The following ELFN1 variants were observed in gnomAD, a reference collection of about 807,000 sequenced individuals.
ELFN1 encodes extracellular leucine rich repeat and fibronectin type III domain containing 1, also known as protein ELFN1.
A neutral mutation model predicts 7.6 loss-of-function variants in ELFN1; 6 were observed. The observed-to-expected ratio is 0.79, with a 90% confidence interval of 0.43 to 1.56. The LOEUF is 1.56. Among genes scored for constraint, ELFN1 ranks in the 40% most tolerant of loss-of-function variants. The pLI, the probability that ELFN1 is intolerant of heterozygous loss-of-function variation, is 0.01. For missense variants in ELFN1, 1,169 were observed against 1,232.2 expected (o/e 0.95, Z 0.77); for synonymous variants, 657 against 588.1 (o/e 1.12, Z -1.70).
Position 1,746,821 on chromosome 7 carries a change from G to C in ELFN1, c.2225G>C (p.Arg742Pro). 1 of 1,534,188 alleles carries C rather than the reference G, an allele frequency of 6.5e-7. No homozygotes were observed. The highest frequency in any genetic ancestry group is 1.2e-5 in the South Asian group (1 of 82,208). The change falls in exon 4 of 4, where the codon CGG becomes CCG. Residue 742 changes from arginine (R) to proline (P), a missense_variant. Transcript: ENST00000424383. Reference sequence around the variant, plus strand: ...GCGTCCATCCTGGAGCCACTCACCCGGCCGCGGCCCCGCGACCTCGCCTAC... The same window carrying C: ...GCGTCCATCCTGGAGCCACTCACCCCGCCGCGGCCCCGCGACCTCGCCTAC... ...RKASILEPLTRPRPRDLAYSQ... is the reference protein window; with the variant it reads ...RKASILEPLTPPRPRDLAYSQ...
intron 3 of ELFN1, among the ~76,000 whole-genome samples, chr7:1,711,567 CGAGAGAGTGA>C (rs1368022065): frequency 3.1e-4 from 11 of 35,066 alleles, no homozygotes; most frequent in African/African-American, 4.5e-4. Context: ...GAAGAGAGAG[CGAGAGAGTGA>C]GAGAGAGAGA....
At chr7:1,715,797 C>T (rs1035741364) in intron 3 of ELFN1, among the ~76,000 whole-genome samples, 1 of 152,230 alleles carries the variant, frequency 6.6e-6, no homozygotes, top group Non-Finnish European at 1.5e-5. Context: ...TGGAGATTCC[C>T]TCCTCCCCCT....
chr7:1,693,175 C>T (rs115930251), intron 2 of ELFN1: 104 of 366,864 alleles, frequency 2.8e-4, no homozygotes, highest in African/African-American at 2.0e-3. Context: ...TGCTGGGTTC[C>T]GCTGGGGTCC....
At chr7:1,726,887 C>T (rs994555971) in intron 3 of ELFN1, among the ~76,000 whole-genome samples, 66 of 152,308 alleles carry the variant, frequency 4.3e-4, no homozygotes, top group Middle Eastern at 3.4e-3. Flanking sequence ...AGACAGGAGC[C>T]GGGCTGGGTT....
At position 1,705,382 on chromosome 7, in the gene ELFN1, T is replaced by C. The variant is rs1242017771; in HGVS notation, c.-455-3709T>C. ...TGTCAAGTTTGGGCGCCTTCATTTTTCCAACCCTCTCACCCGGACATTTGC... is the reference window on the plus strand; with the variant it reads ...TGTCAAGTTTGGGCGCCTTCATTTTCCCAACCCTCTCACCCGGACATTTGC... On this transcript the variant is annotated intron_variant, in intron 2 of 3. Coordinates refer to ENST00000424383, the MANE Select transcript of ELFN1 (RefSeq NM_001128636.4). The surrounding 1 kb of genome is among the most constrained non-coding windows in gnomAD (Gnocchi z 4.3). Among the ~76,000 whole-genome samples the C allele has an allele frequency of 6.6e-6, 1 of 152,254 alleles. No individual in the cohort carries two copies. The highest frequency in any genetic ancestry group is 2.4e-5 in the African/African-American group (1 of 41,468).
In ELFN1 at chr7:1,739,145, C is replaced by A. The variant is rs1228119502; in HGVS notation, c.-293-5159C>A. 3 of 152,248 alleles carry A rather than the reference C, an allele frequency of 2.0e-5. No individual in the cohort carries two copies. Among genetic ancestry groups the A allele is most frequent in the Non-Finnish European group, 4.4e-5 (3 of 68,068 alleles). 9.4% of individuals were successfully genotyped at this position (152,248 alleles called of 1,614,324 possible). ...TCCTCCACGCGTGGAGGACTGGACG[C>A]CCTCAGGGCTGCGCGGGGCCGCAGG... On this transcript the variant is annotated intron_variant, in intron 3 of 3. Transcript: ENST00000424383. This position sits in a 1 kb window ranked among gnomAD's most constrained non-coding sequence, Gnocchi z 4.6.
upstream of ELFN1, among the ~76,000 whole-genome samples, chr7:1,667,323 G>A (rs1778686619): frequency 6.6e-6 from 1 of 152,082 alleles, no homozygotes. This position sits in a 1 kb window ranked among gnomAD's most constrained non-coding sequence, Gnocchi z 8.2. Context: ...AACCCACGGC[G>A]AGCGCAACAC....
At chr7:1,730,027 G>T (rs1296631859) in intron 3 of ELFN1, among the ~76,000 whole-genome samples, 3 of 152,224 alleles carry the variant, frequency 2.0e-5, no homozygotes, top group Non-Finnish European at 2.9e-5. Context: ...CCCACCCGGG[G>T]ACCAGCCCCT....
At chr7:1,702,337 T>A (rs2128584731) in intron 2 of ELFN1, among the ~76,000 whole-genome samples, 1 of 151,656 alleles carries the variant, frequency 6.6e-6, no homozygotes, top group South Asian at 2.1e-4. Context: ...GGCAGGAGAA[T>A]GGTGTGAACT....
intron 3 of ELFN1, among the ~76,000 whole-genome samples, chr7:1,725,830 GAC>G (rs1483204759): frequency 6.6e-6 from 1 of 151,934 alleles, no homozygotes; most frequent in Non-Finnish European, 1.5e-5. Flanking sequence ...GTCACACTCA[GAC>G]ACACATAATA....
At chr7:1,709,683 A>G (rs1380882575) in intron 3 of ELFN1, among the ~76,000 whole-genome samples, 1 of 152,270 alleles carries the variant, frequency 6.6e-6, no homozygotes, top group Admixed American at 6.5e-5. Flanking sequence ...TAGGTCACGT[A>G]GGTTAATATT....
At chr7:1,728,919 T>C (rs1780265282) in intron 3 of ELFN1, among the ~76,000 whole-genome samples, 2 of 152,194 alleles carry the variant, frequency 1.3e-5, no homozygotes, top group African/African-American at 4.8e-5. Context: ...TCTCATGATG[T>C]CCATCATCTC....
intron 2 of ELFN1, among the ~76,000 whole-genome samples, chr7:1,701,137 G>A (rs530996398): frequency 1.3e-5 from 2 of 150,374 alleles, no homozygotes; most frequent in Admixed American, 1.3e-4. Flanking sequence ...GTGTGTGCAT[G>A]TGTGTGTGTG....
chr7:1,719,900 A>T (rs937716652), intron 3 of ELFN1, among the ~76,000 whole-genome samples: 1 of 102,124 alleles, frequency 9.8e-6, no homozygotes, highest in Non-Finnish European at 2.0e-5. Context: ...CCCCACCATC[A>T]CCTCTGCAAA....
chr7:1,722,611 A>C (rs11768091), intron 3 of ELFN1, among the ~76,000 whole-genome samples: 28,569 of 151,704 alleles, frequency 0.19, 2,970 homozygotes, highest in Admixed American at 0.25. Flanking sequence ...CCAGTACTTT[A>C]ATACCGTCTC....
chr7:1,672,293 A>G (rs763767752), intron 1 of ELFN1, among the ~76,000 whole-genome samples: 2 of 152,072 alleles, frequency 1.3e-5, no homozygotes, highest in African/African-American at 2.4e-5. Flanking sequence ...GCCACTGGAA[A>G]GCACTGATTT....
At chr7:1,708,010 A>AC (rs988193552) in intron 2 of ELFN1, among the ~76,000 whole-genome samples, 34 of 151,636 alleles carry the variant, frequency 2.2e-4, no homozygotes, top group African/African-American at 8.2e-4. Flanking sequence ...CCCAGCACCA[A>AC]CCCCCCGCCT....
At chr7:1,667,972 G>GC (rs1454934530), upstream of ELFN1, among the ~76,000 whole-genome samples, 1 of 141,046 alleles carries the variant, frequency 7.1e-6, no homozygotes, top group African/African-American at 2.5e-5. The surrounding 1 kb of genome is among the most constrained non-coding windows in gnomAD (Gnocchi z 8.2). Context: ...GGGTGGGGGG[G>GC]GGGGGCGGCC....
At position 1,695,977 on chromosome 7, in the gene ELFN1, C is replaced by T. The variant is rs545821561; in HGVS notation, c.-456+7827C>T. Among the ~76,000 whole-genome samples, 2 of 152,270 alleles carry T rather than the reference C, an allele frequency of 1.3e-5. No individual in the cohort carries two copies. Among genetic ancestry groups the T allele is most frequent in the South Asian group, 4.1e-4 (2 of 4,822 alleles). The stretch of plus-strand genomic sequence containing the variant: ...GCAGTGAGCAGGGCAGACCTGACTC[C>T]TGCCTGCCTTTGTCGGCCCCGGCTC... On this transcript the variant is annotated intron_variant, in intron 2 of 3. Coordinates refer to ENST00000424383, the MANE Select transcript of ELFN1 (RefSeq NM_001128636.4). This position sits in a 1 kb window ranked among gnomAD's most constrained non-coding sequence, Gnocchi z 5.1.
Sources: gnomAD v4.1 joint callset for allele counts (sites outside exome capture counted in the v4.1 genomes callset) on GRCh38, gnomAD v4.1.1 for gene constraint, Gnocchi (gnomAD v3.1) non-coding constraint, MANE v1.5 for transcripts, NCBI Gene and HGNC (gene_info 2026-07-23, HGNC 2026-07-21) for gene names.